PEX6: variants seen among roughly 807,000 people sequenced by gnomAD.
PEX6 encodes the protein peroxisome biogenesis factor 6.
In PEX6, 55 loss-of-function variants were observed where a neutral mutation model predicts 85.6. The ratio of observed to expected loss-of-function variants is 0.64; its 90% CI spans 0.52 to 0.80. The LOEUF (loss-of-function observed/expected upper bound fraction) is 0.80, where lower values mean the gene tolerates loss of function less well. Ranked by LOEUF, PEX6 falls within the 30% of genes least tolerant of loss-of-function variation. The pLI, the probability that PEX6 is intolerant of heterozygous loss-of-function variation, is 0.00. For missense variants in PEX6, 1,099 were observed against 1,260.3 expected (o/e 0.87, Z 1.94); for synonymous variants, 519 against 549.1 (o/e 0.95, Z 0.77).
chr6:42,965,410 CT>C lies in PEX6; in HGVS notation c.2472-43del. On this transcript the variant is annotated intron_variant, in intron 13 of 16. Transcript: ENST00000304611. This position sits in a 1 kb window ranked among gnomAD's most constrained non-coding sequence, Gnocchi z 5.0. ...AAGGGCAAGAGTCCTTGGTGTCCCC[CT>C]TAGACTCTGCCCCTGCCTGTGGTAC... 7.0e-7 allele frequency: 1 copy of C among 1,422,678 alleles called. No individual in the cohort carries two copies. Among genetic ancestry groups the C allele is most frequent in the Non-Finnish European group, 9.9e-7 (1 of 1,006,972 alleles). The allele number at this position is 1,422,678 out of a possible 1,614,324, so 88.1% of individuals were successfully genotyped here.
chr6:42,974,451 G>GTTTTT (rs541877938), intron 2 of PEX6, among the ~76,000 whole-genome samples: 25 of 61,030 alleles, frequency 4.1e-4, no homozygotes, highest in South Asian at 7.4e-4. Context: ...TGTTTTTTTT[G>GTTTTT]TTTTTTTTTT....
At chr6:42,967,036 G>A (rs551771361) in intron 8 of PEX6, among the ~76,000 whole-genome samples, 178 bp from the exon 9 acceptor site, 1 of 142,974 alleles carries the variant, frequency 7.0e-6, no homozygotes, top group East Asian at 2.0e-4. Flanking sequence ...GCAATGGCGC[G>A]ATCTCGGCTC....
In PEX6 at chr6:42,964,902, C is replaced by T. The variant is rs1581757319; in HGVS notation, c.2694G>A (p.Leu898=). Residue 898 remains leucine, a synonymous_variant, in exon 16 of 17, where the codon CTG becomes CTA. Transcript: ENST00000304611. This position sits in a 1 kb window ranked among gnomAD's most constrained non-coding sequence, Gnocchi z 4.6. ...GAGGGCAGCAATCTAGCACGTTTAC[C>T]AGGCTCACAGATGGCTCTAGCTTGA... ...RKFKLEPSVS[L]VNVLDCCPPQ... 1.2e-6 allele frequency: 2 copies of T among 1,614,164 alleles called. No homozygotes were observed. The highest frequency in any genetic ancestry group is 1.3e-5 in the African/African-American group (1 of 75,046).
rs1769880127 is a variant in PEX6 at position 42,967,518 on chromosome 6, G to A, written c.1734C>T (p.Asp578=). 1.2e-6 allele frequency: 2 copies of A among 1,608,600 alleles called. No homozygotes were observed. The highest frequency in any genetic ancestry group is 1.7e-6 in the Non-Finnish European group (2 of 1,177,966). ...MVVATTSRAQ[D]LPADVQTAFP... ...ATGCTGTCTGCACATCAGCAGGCAG[G>A]TCCTGGGCCCGGCTTGTGGTGGCCA... The change falls in exon 8 of 17, where the codon GAC becomes GAT. Residue 578 remains aspartate (D), a synonymous_variant. Transcript: ENST00000304611.
chr6:42,967,943 C>G (rs1581762942), intron 7 of PEX6, among the ~76,000 whole-genome samples: 1 of 124,798 alleles, frequency 8.0e-6, no homozygotes, highest in Non-Finnish European at 1.8e-5. Flanking sequence ...CCCCCCCGCT[C>G]CCCCTTTTTT....
At position 42,964,340 on chromosome 6, in the gene PEX6, A is replaced by C. The variant is rs1427401725; in HGVS notation, c.2938T>G (p.Cys980Gly). The change falls in exon 17 of 17, where the codon TGC becomes GGC. Residue 980 changes from cysteine (C) to glycine (G), a missense_variant. Physicochemically the swap from Cys to Gly is radical, Grantham distance 159 (BLOSUM62 -3). Around this residue, in one of 3 missense-constraint regions of PEX6, gnomAD observed 514 missense variants for 627.0 expected, o/e 0.82. Transcript: ENST00000304611. This position sits in a 1 kb window ranked among gnomAD's most constrained non-coding sequence, Gnocchi z 4.6. ...YKRIQRKFAA[C>G] ...TCCCAGACCCTGGGGGGCTCCTAGCAGGCAGCAAACTTGCGCTGGATGCGC... is the reference window on the plus strand; with the variant it reads ...TCCCAGACCCTGGGGGGCTCCTAGCCGGCAGCAAACTTGCGCTGGATGCGC... 2.5e-6 allele frequency: 4 copies of C among 1,613,728 alleles called. No individual in the cohort carries two copies. The highest frequency in any genetic ancestry group is 3.4e-6 in the Non-Finnish European group (4 of 1,179,976).
intron 9 of PEX6, 36 bp downstream of exon 9, chr6:42,966,746 C>T: frequency 6.2e-7 from 1 of 1,613,914 alleles, no homozygotes; most frequent in Middle Eastern, 1.6e-4. Flanking sequence ...ACATCCATTT[C>T]CTCTTTCCGC....
chr6:42,979,058 C>A lies in PEX6; in HGVS notation c.93G>T (p.Ala31=). The change falls in exon 1 of 17, where the codon GCG becomes GCT. Residue 31 remains alanine (A), a synonymous_variant. Coordinates refer to ENST00000304611, the MANE Select transcript of PEX6 (RefSeq NM_000287.4). ...VLLPPGGPWP[A]AELGLVLALR... ...GGGCCAGCACCAGGCCCAGCTCCGC[C>A]GCCGGCCACGGGCCCCCGGGTGGCA... The A allele has an allele frequency of 6.5e-7, 1 of 1,536,398 alleles. No homozygotes were observed.
chr6:42,964,306 T>A lies in PEX6; in HGVS notation c.*29A>T. On this transcript the variant is annotated 3_prime_UTR_variant, in exon 17 of 17. Transcript: ENST00000304611. The surrounding 1 kb of genome is among the most constrained non-coding windows in gnomAD (Gnocchi z 4.6). ...GCTATCAAGGTACCTGCAGCCATGC[T>A]GAGCGGGGTCCCAGACCCTGGGGGG... is the stretch of plus-strand genomic sequence containing the variant. 6.2e-7 allele frequency: 1 copy of A among 1,612,874 alleles called. No individual in the cohort carries two copies. The highest frequency in any genetic ancestry group is 8.5e-7 in the Non-Finnish European group (1 of 1,179,626).
Position 42,966,831 on chromosome 6 carries a change from G to A in PEX6, c.1912C>T (p.Leu638Phe). 1.9e-6 allele frequency: 3 copies of A among 1,613,518 alleles called. No homozygotes were observed. The highest frequency in any genetic ancestry group is 1.7e-6 in the Non-Finnish European group (2 of 1,180,020). The change falls in exon 9 of 17, where the codon CTT becomes TTT. Residue 638 changes from leucine to phenylalanine, a missense_variant. Transcript: ENST00000304611. Reference protein sequence around the residue: ...AGFVVGDLYALLTHSSRAACT... With the variant: ...AGFVVGDLYAFLTHSSRAACT... ...GCTGCCCGGCTGCTGTGGGTCAGAA[G>A]GGCATAGAGATCCCCTACCACAAAG...
At chr6:42,966,709 T>C (rs375335374) in intron 9 of PEX6, 52 bp from the exon 10 acceptor site, 46 of 1,613,684 alleles carry the variant, frequency 2.9e-5, no homozygotes, top group Non-Finnish European at 3.6e-5. Flanking sequence ...CCCATTCCCT[T>C]CTCCCTTCCT....
At chr6:42,968,822 C>A in intron 6 of PEX6, 52 bp downstream of exon 6, 1 of 1,308,652 alleles carries the variant, frequency 7.6e-7, no homozygotes, top group Non-Finnish European at 1.1e-6. Flanking sequence ...AGAGGGAGAA[C>A]ATGAGCTGGG....
In PEX6 at chr6:42,977,033, G is replaced by A. The variant is rs569022514; in HGVS notation, c.882+1236C>T. ...GCTGTGAGATCATGAAAGGCTTTGT[G>A]ATAAAGGTGTCATCTTTAGATGGCT... On this transcript the variant is annotated intron_variant, in intron 1 of 16. Coordinates refer to ENST00000304611, the MANE Select transcript of PEX6 (RefSeq NM_000287.4). 2.0e-5 allele frequency among the ~76,000 whole-genome samples: 3 copies of A among 152,296 alleles called. No homozygotes were observed. The East Asian group carries it at 5.8e-4, about 29-fold the overall frequency.
intron 1 of PEX6, 21 bp downstream of exon 1, chr6:42,978,248 G>C (rs1355744483): frequency 1.1e-5 from 18 of 1,613,528 alleles, no homozygotes; most frequent in Non-Finnish European, 1.4e-5. Flanking sequence ...AAGCACTCCT[G>C]ACCCCAGTCC....
rs371097037 is a variant in PEX6 at position 42,974,624 on chromosome 6, AT to A, written c.1046+250del. 0.021 allele frequency among the ~76,000 whole-genome samples: 3,081 copies of A among 147,050 alleles called. 47 individuals carry two copies. The highest frequency in any genetic ancestry group is 0.062 in the South Asian group (287 of 4,606). On this transcript the variant is annotated intron_variant, in intron 2 of 16. Coordinates refer to ENST00000304611, the MANE Select transcript of PEX6 (RefSeq NM_000287.4). ...AGGCGCCCACCACCACACTCGGCTA[AT>A]TTTTTTTTTGTATTTTTAGTAGAGA...
rs748244253 is a variant in PEX6 at position 42,965,753 on chromosome 6, A to G, written c.2399T>C (p.Ile800Thr). ...ARARAAAPCI[I>T]FFDELDSLAP... is the part of the protein sequence containing the mutation. ...CAAAGAGTCCAGTTCATCAAAGAAG[A>G]TAATGCATGGAGCTGCAGCCCTGGC... The change falls in exon 13 of 17, where the codon ATC (isoleucine) becomes ACC (threonine). Residue 800 changes from isoleucine (I) to threonine (T), a missense_variant. Transcript: ENST00000304611. This position sits in a 1 kb window ranked among gnomAD's most constrained non-coding sequence, Gnocchi z 5.0. The G allele has an allele frequency of 6.2e-7, 1 of 1,614,098 alleles. No individual in the cohort carries two copies. The highest frequency in any genetic ancestry group is 8.5e-7 in the Non-Finnish European group (1 of 1,179,998).
rs114137311 is a variant in PEX6, at chr6:42,968,863, G to A, written c.1479+11C>T. ...GAAGTAGCTGGGGTTCTACTCTCCA[G>A]AGACCCTCACCTTCAGTAAGTGGAG... is the stretch of plus-strand genomic sequence containing the variant. On this transcript the variant is annotated intron_variant, in intron 6 of 16. Transcript: ENST00000304611. The A allele has an allele frequency of 9.8e-4, 1,555 of 1,589,936 alleles. 16 individuals are homozygous for A. In the African/African-American group the frequency reaches 0.015, roughly 16 times the overall value.
At chr6:42,977,977 G>A (rs535776250) in intron 1 of PEX6, among the ~76,000 whole-genome samples, 4 of 151,374 alleles carry the variant, frequency 2.6e-5, no homozygotes, top group African/African-American at 9.7e-5. Flanking sequence ...CCAAGTAGCT[G>A]GGATTAGAGG....
rs1376265794 is a variant in PEX6 at position 42,978,758 on chromosome 6, G to T, written c.393C>A (p.Leu131=). The change falls in exon 1 of 17, where the codon CTC becomes CTA. Residue 131 remains leucine, a synonymous_variant. Coordinates refer to ENST00000304611, the MANE Select transcript of PEX6 (RefSeq NM_000287.4). ...GPLLVRRGET[L]PVPGPRVLET... ...CCAGCACCCGCGGTCCGGGCACTGG[G>T]AGGGTCTCTCCGCGCCTCACCAGCA... 6.5e-7 allele frequency: 1 copy of T among 1,535,148 alleles called. No homozygotes were observed. Among genetic ancestry groups the T allele is most frequent in the East Asian group, 2.4e-5 (1 of 40,946 alleles).
Sources: allele counts gnomAD v4.1 joint callset (sites outside exome capture counted in the v4.1 genomes callset), GRCh38; gene constraint gnomAD v4.1.1; regional missense constraint gnomAD v4.1.1; non-coding constraint Gnocchi (gnomAD v3.1); transcripts MANE v1.5; gene names NCBI Gene and HGNC (gene_info 2026-07-23, HGNC 2026-07-21).